The following GNAL variants were observed in gnomAD, a reference collection of about 807,000 sequenced individuals.
GNAL encodes guanine nucleotide-binding protein G(olf) subunit alpha.
A neutral mutation model predicts 55.1 loss-of-function variants in GNAL; 18 were observed. The ratio of observed to expected loss-of-function variants is 0.33; its 90% confidence interval spans 0.23 to 0.48. The LOEUF is 0.48. GNAL is among the 20% of genes least tolerant of loss of function. The pLI is 0.99. For synonymous variants in GNAL, 253 were observed against 237.0 expected, an observed-to-expected ratio of 1.07 and a Z score of -0.62; for missense variants, 412 against 614.1, an observed-to-expected ratio of 0.67 and a Z score of 3.48.
intron 1 of GNAL, among the ~76,000 whole-genome samples, chr18:11,690,287 A>G (rs909828964): frequency 1.3e-5 from 2 of 151,900 alleles, no homozygotes; most frequent in Non-Finnish European, 2.9e-5. Context: ...GGGGATGTCT[A>G]CCCTAGCCTC....
intron 1 of GNAL, among the ~76,000 whole-genome samples, chr18:11,735,983 T>C (rs1324997341): frequency 2.6e-5 from 4 of 152,200 alleles, no homozygotes; most frequent in Non-Finnish European, 5.9e-5. Flanking sequence ...ACATAGTGAT[T>C]TGATATGCAG....
intron 5 of GNAL, among the ~76,000 whole-genome samples, chr18:11,842,889 A>G (rs771978536): frequency 1.6e-4 from 24 of 152,212 alleles, no homozygotes; most frequent in Non-Finnish European, 2.6e-4. Flanking sequence ...CCTTCTTTCA[A>G]CTGTTGACTA....
intron 1 of GNAL, among the ~76,000 whole-genome samples, chr18:11,704,335 C>T (rs2031654199): frequency 6.6e-6 from 1 of 152,250 alleles, no homozygotes; most frequent in Non-Finnish European, 1.5e-5. Context: ...AACAGCCACA[C>T]AGTCACCCTG....
In GNAL at chr18:11,876,655, A is replaced by G; in HGVS notation, c.1197A>G (p.Thr399=). The stretch of plus-strand genomic sequence containing the variant: ...ATGCAGGAGAAGATCCCAAAGTTAC[A>G]AGAGCCAAGTTCTTTATCCGGGACC... ...TPDAGEDPKV[T]RAKFFIRDLF... is the part of the protein sequence containing the mutation. The change falls in exon 11 of 12, where the codon ACA becomes ACG. Residue 399 remains threonine (T), a synonymous_variant. Transcript: ENST00000334049. 6.2e-7 allele frequency: 1 copy of G among 1,608,666 alleles called. No individual in the cohort carries two copies. Among genetic ancestry groups the G allele is most frequent in the Non-Finnish European group, 8.5e-7 (1 of 1,175,002 alleles).
chr18:11,780,287 G>T (rs1410015365), intron 4 of GNAL, among the ~76,000 whole-genome samples: 1 of 151,724 alleles, frequency 6.6e-6, no homozygotes, highest in East Asian at 1.9e-4. Context: ...GACTTTTCCT[G>T]TGTGCTGTGT....
At chr18:11,771,004 C>T (rs1366661121) in intron 4 of GNAL, among the ~76,000 whole-genome samples, 3 of 151,796 alleles carry the variant, frequency 2.0e-5, no homozygotes, top group Admixed American at 6.6e-5. Context: ...CACCTGAGGT[C>T]GGGAGTTTGA....
intron 5 of GNAL, among the ~76,000 whole-genome samples, chr18:11,856,763 T>TC (rs2036017241): frequency 8.7e-6 from 1 of 115,436 alleles, no homozygotes; most frequent in African/African-American, 4.7e-5. Flanking sequence ...CCGTCTCTAC[T>TC]AAAAATGCAA....
chr18:11,865,261 G>C (rs532184058), intron 7 of GNAL, among the ~76,000 whole-genome samples: 1 of 149,280 alleles, frequency 6.7e-6, no homozygotes, highest in Non-Finnish European at 1.5e-5. Context: ...CTTGTGCACC[G>C]TATGACCCAA....
intron 4 of GNAL, among the ~76,000 whole-genome samples, chr18:11,792,517 G>A (rs953452540): frequency 1.2e-4 from 19 of 152,222 alleles, no homozygotes; most frequent in Non-Finnish European, 5.9e-5. Flanking sequence ...TACTTGGTAT[G>A]TCTTAGCCAT....
intron 1 of GNAL, among the ~76,000 whole-genome samples, chr18:11,732,716 A>G (rs1237535462): frequency 6.6e-6 from 1 of 152,254 alleles, no homozygotes; most frequent in Non-Finnish European, 1.5e-5. Context: ...CCCAACATTT[A>G]CAAATGGAGG....
chr18:11,796,173 TC>T (rs1269725714), intron 4 of GNAL, among the ~76,000 whole-genome samples: 1 of 152,150 alleles, frequency 6.6e-6, no homozygotes, highest in Non-Finnish European at 1.5e-5. Context: ...TGAAAGGTGA[TC>T]CCAGGCCACC....
Position 11,791,167 on chromosome 18 carries a change from C to A in GNAL, c.625-33751C>A, listed in dbSNP as rs1398869049. ...GCATGTCCTTTCGGCATGGTGGTGG[C>A]CATGGCTAAATGGTTTGTGTGGGTT... is the stretch of plus-strand genomic sequence containing the variant. On this transcript the variant is annotated intron_variant, in intron 4 of 11. Transcript: ENST00000334049. Among the ~76,000 whole-genome samples, 3 of 152,132 alleles carry A rather than the reference C, an allele frequency of 2.0e-5. No individual in the cohort carries two copies. In the East Asian group the frequency reaches 5.8e-4, roughly 29 times the overall value.
chr18:11,844,300 G>A (rs113867936), intron 5 of GNAL, among the ~76,000 whole-genome samples: 482 of 152,180 alleles, frequency 3.2e-3, no homozygotes, highest in Non-Finnish European at 5.4e-3. Context: ...TGGGCGTGGT[G>A]GCGGGCGCCT....
chr18:11,699,505 G>A (rs1413153666), intron 1 of GNAL, among the ~76,000 whole-genome samples: 9 of 151,758 alleles, frequency 5.9e-5, no homozygotes, highest in South Asian at 2.1e-4. Context: ...GTGAGCCACC[G>A]TGCCCAGCTG....
At chr18:11,851,027 G>A (rs1264867250) in intron 5 of GNAL, among the ~76,000 whole-genome samples, 1 of 152,220 alleles carries the variant, frequency 6.6e-6, no homozygotes, top group African/African-American at 2.4e-5. Context: ...AGACCTAGCT[G>A]ATGTTTGGCT....
intron 9 of GNAL, among the ~76,000 whole-genome samples, chr18:11,869,578 T>C (rs193089729): frequency 5.8e-4 from 89 of 152,308 alleles, no homozygotes; most frequent in African/African-American, 2.1e-3. Flanking sequence ...CAACCACAGA[T>C]TGAAAATATT....
At chr18:11,801,033 T>C (rs2034507878) in intron 4 of GNAL, among the ~76,000 whole-genome samples, 1 of 152,216 alleles carries the variant, frequency 6.6e-6, no homozygotes, top group Non-Finnish European at 1.5e-5. Context: ...GAGGTGAAAC[T>C]GTACAACAAA....
chr18:11,851,748 C>G, intron 5 of GNAL: 1 of 1,613,934 alleles, frequency 6.2e-7, no homozygotes, highest in Non-Finnish European at 8.5e-7. Context: ...CTGCCAGGGT[C>G]CAGACGGCGG....
At chr18:11,695,729 A>G (rs1183510672) in intron 1 of GNAL, among the ~76,000 whole-genome samples, 2 of 151,856 alleles carry the variant, frequency 1.3e-5, no homozygotes, top group African/African-American at 2.4e-5. Flanking sequence ...CCTTTTTTCA[A>G]TTATTTCTTG....
Sources: gnomAD v4.1 joint callset for allele counts (sites outside exome capture counted in the v4.1 genomes callset) on GRCh38, gnomAD v4.1.1 for gene constraint, MANE v1.5 for transcripts, NCBI Gene and HGNC (gene_info 2026-07-23, HGNC 2026-07-21) for gene names.